Variants in PALM2AKAP2 observed in about 807,000 individuals in gnomAD.
PALM2AKAP2 encodes PALM2 and AKAP2 fusion.
Under a neutral mutation model 71.5 loss-of-function variants are expected in PALM2AKAP2, and 37 were observed. That is an observed-to-expected ratio of 0.52 (90% CI 0.40 to 0.68). PALM2AKAP2 has a LOEUF of 0.68. PALM2AKAP2 is among the 30% of genes least tolerant of loss of function. PALM2AKAP2 has a pLI of 0.00. For missense variants in PALM2AKAP2, 1,224 were observed against 1,191.8 expected (o/e 1.03, Z -0.40); for synonymous variants, 468 against 478.8 (o/e 0.98, Z 0.29).
At chr9:109,838,047 C>G (rs1828531566) in intron 1 of PALM2AKAP2, among the ~76,000 whole-genome samples, 1 of 124,376 alleles carries the variant, frequency 8.0e-6, no homozygotes, top group Admixed American at 8.7e-5. Flanking sequence ...ATCTACAGAA[C>G]TCTCCACCCC....
At chr9:110,118,673 T>A (rs531907132) in intron 1 of PALM2AKAP2, among the ~76,000 whole-genome samples, 1 of 152,168 alleles carries the variant, frequency 6.6e-6, no homozygotes, top group Non-Finnish European at 1.5e-5. Context: ...CTTCCTTTTT[T>A]CAGAAGTTAA....
intron 3 of PALM2AKAP2, among the ~76,000 whole-genome samples, chr9:109,886,539 A>G (rs1012505038): frequency 1.3e-5 from 2 of 152,218 alleles, no homozygotes; most frequent in East Asian, 3.8e-4. Context: ...GAGAAACTTC[A>G]TGGAGTATTA....
chr9:110,154,202 CATA>C (rs748378358), intron 2 of PALM2AKAP2, among the ~76,000 whole-genome samples: 12 of 152,176 alleles, frequency 7.9e-5, no homozygotes, highest in Non-Finnish European at 1.6e-4. Flanking sequence ...ACTTTGTCCT[CATA>C]ATAACTATCT....
intron 1 of PALM2AKAP2, among the ~76,000 whole-genome samples, chr9:109,649,460 CA>C (rs1225163895): frequency 1.3e-5 from 2 of 152,102 alleles, no homozygotes; most frequent in Admixed American, 6.5e-5. Flanking sequence ...TGGTTATCTT[CA>C]ATTTATTTTC....
intron 2 of PALM2AKAP2, among the ~76,000 whole-genome samples, chr9:110,145,891 C>CT (rs61137720): frequency 0.15 from 9,499 of 64,470 alleles, 1,436 homozygotes; most frequent in East Asian, 0.25. Context: ...CCTCACTCTT[C>CT]TTTTTTTTTT....
intron 1 of PALM2AKAP2, among the ~76,000 whole-genome samples, chr9:110,127,151 C>G (rs543657226): frequency 6.6e-6 from 1 of 152,320 alleles, no homozygotes; most frequent in South Asian, 2.1e-4. Context: ...GGAGCAGGAA[C>G]AGGACTCCTG....
At chr9:109,716,782 G>A (rs1828327791) in intron 1 of PALM2AKAP2, among the ~76,000 whole-genome samples, 1 of 152,194 alleles carries the variant, frequency 6.6e-6, no homozygotes, top group African/African-American at 2.4e-5. Context: ...GAAAGTCGGA[G>A]GTTGAGACAG....
rs181087271 is a variant in PALM2AKAP2, at chr9:109,857,544, A to G, written c.46-9947A>G. Among the ~76,000 whole-genome samples, 212 of 152,296 alleles carry G rather than the reference A, an allele frequency of 1.4e-3. 2 individuals are homozygous for G. Among genetic ancestry groups the G allele is most frequent in the Admixed American group, 4.1e-3 (63 of 15,294 alleles). ...ATTTTCAACAGCTCATTTGCCCTGG[A>G]TGGCTTTTGGCAGATAAATGTGGAG... On this transcript the variant is annotated intron_variant, in intron 1 of 9. Coordinates refer to the PALM2AKAP2 transcript ENST00000302798.
At chr9:109,689,984 A>G (rs1827858405) in intron 1 of PALM2AKAP2, among the ~76,000 whole-genome samples, 1 of 152,246 alleles carries the variant, frequency 6.6e-6, no homozygotes, top group African/African-American at 2.4e-5. Context: ...CCATACAGAA[A>G]GAGACATCAA....
At chr9:109,779,953 C>A (rs1829407715), upstream of PALM2AKAP2, among the ~76,000 whole-genome samples, 1 of 151,978 alleles carries the variant, frequency 6.6e-6, no homozygotes. Flanking sequence ...CCCCAGCAAG[C>A]GCGTGTCCAC....
intron 3 of PALM2AKAP2, among the ~76,000 whole-genome samples, chr9:109,904,857 G>A (rs1226668591): frequency 2.0e-5 from 3 of 152,204 alleles, no homozygotes; most frequent in Admixed American, 2.0e-4. Context: ...TTAATTAAAA[G>A]CATAAGTCTC....
At chr9:110,149,014 G>A (rs913384364) in intron 2 of PALM2AKAP2, among the ~76,000 whole-genome samples, 20 of 152,206 alleles carry the variant, frequency 1.3e-4, no homozygotes, top group Admixed American at 7.9e-4. Flanking sequence ...AGGAATTGCA[G>A]ATTCTTTTCT....
At chr9:109,735,067 T>C (rs1167242093) in intron 1 of PALM2AKAP2, among the ~76,000 whole-genome samples, 1 of 151,686 alleles carries the variant, frequency 6.6e-6, no homozygotes, top group East Asian at 1.9e-4. Flanking sequence ...CTCCAAATAT[T>C]ACCTTGGGCA....
chr9:109,681,765 AT>A (rs1827737256), intron 1 of PALM2AKAP2, among the ~76,000 whole-genome samples: 1 of 152,168 alleles, frequency 6.6e-6, no homozygotes, highest in South Asian at 2.1e-4. Context: ...CCACATACCA[AT>A]TGTATATCTC....
intron 1 of PALM2AKAP2, among the ~76,000 whole-genome samples, chr9:109,732,525 C>T (rs559249415): frequency 6.6e-6 from 1 of 152,268 alleles, no homozygotes; most frequent in African/African-American, 2.4e-5. Context: ...GGGTGGTGGG[C>T]ACGCAAGGTT....
intron 3 of PALM2AKAP2, among the ~76,000 whole-genome samples, chr9:109,894,875 C>T (rs1830165460): frequency 6.6e-6 from 1 of 152,154 alleles, no homozygotes; most frequent in Admixed American, 6.6e-5. Context: ...CTCGGCTTCC[C>T]AGAGTGCTGG....
At chr9:109,911,074 G>A (rs920602333) in intron 3 of PALM2AKAP2, among the ~76,000 whole-genome samples, 10 of 152,186 alleles carry the variant, frequency 6.6e-5, no homozygotes, top group African/African-American at 2.4e-4. Flanking sequence ...ACAAGCTCAG[G>A]TGCAGGGGTG....
chr9:110,052,691 T>C lies in PALM2AKAP2; in HGVS notation c.156+3836T>C, dbSNP rs965138083. Among the ~76,000 whole-genome samples the C allele has an allele frequency of 2.6e-5, 4 of 152,246 alleles. No homozygotes were observed. The East Asian group carries it at 5.8e-4, about 22-fold the overall frequency. On this transcript the variant is annotated intron_variant, in intron 1 of 3. Transcript: ENST00000374525. ...GTATTTCACCCATTGTTAATGAAAG[T>C]GTTTCTAAGATGTAACCCCTGGTTA...
chr9:109,701,760 A>C lies in PALM2AKAP2; in HGVS notation c.5+60894A>C, dbSNP rs1293474495. Among the ~76,000 whole-genome samples the C allele has an allele frequency of 1.1e-4, 17 of 152,350 alleles. No homozygotes were observed. The East Asian group carries it at 1.7e-3, about 16-fold the overall frequency. The stretch of plus-strand genomic sequence containing the variant: ...TTGACAAATGGGATCTAATTAAACT[A>C]AAGAGCTTCTGCACGGCAAAAGAAA... On this transcript the variant is annotated intron_variant, in intron 1 of 6. Transcript: ENST00000374531.
Sources: gnomAD v4.1 joint callset for allele counts (sites outside exome capture counted in the v4.1 genomes callset) on GRCh38, gnomAD v4.1.1 for gene constraint, MANE v1.5 for transcripts, NCBI Gene and HGNC (gene_info 2026-07-23, HGNC 2026-07-21) for gene names.